The following ATP2B2 variants were observed in gnomAD, a reference collection of about 807,000 sequenced individuals.
ATP2B2 encodes ATPase plasma membrane Ca2+ transporting 2.
Under a neutral mutation model 120.0 loss-of-function variants are expected in ATP2B2, and 15 were observed. That is an observed-to-expected ratio of 0.12 (90% CI 0.08 to 0.19). The LOEUF (loss-of-function observed/expected upper bound fraction) is 0.19. ATP2B2 is among the 10% of genes least tolerant of loss of function. The pLI is 1.00. For missense variants in ATP2B2, 1,045 were observed against 1,719.8 expected (o/e 0.61, Z 6.94); for synonymous variants, 694 against 700.3 (o/e 0.99, Z 0.14).
At chr3:10,548,042 G>T (rs929307340) in intron 2 of ATP2B2, among the ~76,000 whole-genome samples, 3 of 152,094 alleles carry the variant, frequency 2.0e-5, no homozygotes, top group African/African-American at 7.2e-5. Context: ...AACATTGGAG[G>T]GCTGGTCAAG....
intron 5 of ATP2B2, among the ~76,000 whole-genome samples, chr3:10,389,818 A>G (rs751451379): frequency 5.3e-5 from 8 of 152,172 alleles, no homozygotes; most frequent in Non-Finnish European, 8.8e-5. Flanking sequence ...AGCCCCCTGA[A>G]GCCATGGCCT....
intron 2 of ATP2B2, among the ~76,000 whole-genome samples, chr3:10,611,846 A>G (rs1280184452): frequency 1.1e-4 from 16 of 152,190 alleles, no homozygotes; most frequent in Non-Finnish European, 1.5e-5. Context: ...TGGAGACACC[A>G]CCAGTGTCAT....
At chr3:10,563,458 C>A (rs905960048) in intron 2 of ATP2B2, among the ~76,000 whole-genome samples, 3 of 152,250 alleles carry the variant, frequency 2.0e-5, no homozygotes, top group African/African-American at 4.8e-5. Context: ...TGTGGCTTTC[C>A]CCCTTCCACT....
intron 2 of ATP2B2, among the ~76,000 whole-genome samples, chr3:10,575,688 C>T (rs2068228263): frequency 6.6e-6 from 1 of 152,134 alleles, no homozygotes; most frequent in Non-Finnish European, 1.5e-5. Flanking sequence ...TGCATAAAAA[C>T]ACCAATACCT....
chr3:10,359,784 C>G (rs2060843664), intron 13 of ATP2B2, 98 bp downstream of exon 13: 1 of 1,560,146 alleles, frequency 6.4e-7, no homozygotes, highest in Admixed American at 1.7e-5. Flanking sequence ...GGCTGCTGAG[C>G]CTGGCCTGGA....
At position 10,707,351 on chromosome 3, in the gene ATP2B2, A is replaced by G. The variant is rs147897273; in HGVS notation, c.-460+564T>C. On this transcript the variant is annotated intron_variant, in intron 1 of 21. Transcript: ENST00000646379. Reference sequence around the variant, plus strand: ...GCTGGAGATGCGGAGAGCACTTGGCAGAGATGCTCTCCTAGCTCTCCTGGC... The same window carrying G: ...GCTGGAGATGCGGAGAGCACTTGGCGGAGATGCTCTCCTAGCTCTCCTGGC... Among the ~76,000 whole-genome samples, 181 of 152,322 alleles carry G rather than the reference A, an allele frequency of 1.2e-3. 2 individuals carry two copies. The highest frequency in any genetic ancestry group is 4.0e-3 in the African/African-American group (166 of 41,592).
In ATP2B2 at chr3:10,449,526, G is replaced by A. The variant is rs773766088; in HGVS notation, c.18C>T (p.Asn6=). The A allele has an allele frequency of 6.2e-7, 1 of 1,614,264 alleles. No individual in the cohort carries two copies. The highest frequency in any genetic ancestry group is 2.2e-5 in the East Asian group (1 of 44,880). MGDMT[N]SDFYSKNQRN... ...TTTGGTTTTTGGAGTAAAAGTCGCT[G>A]TTGGTCATGTCACCCATGTTTGCTG... The change falls in exon 2 of 23, where the codon AAC becomes AAT. Residue 6 remains asparagine (N), a synonymous_variant. Coordinates refer to ENST00000360273, the MANE Select transcript of ATP2B2 (RefSeq NM_001001331.4).
Position 10,371,837 on chromosome 3 carries a change from A to G in ATP2B2, c.1631T>C (p.Ile544Thr), listed in dbSNP as rs756122323. Residue 544 changes from isoleucine to threonine, a missense_variant, in exon 12 of 23, where the codon ATC (isoleucine) becomes ACC (threonine). By Grantham distance (89) the Ile-to-Thr change is moderately conservative. Transcript: ENST00000360273. ...TMELLINAIA[I>T]NSAYTTKILP... ...AATCTTGGTGGTGTAGGCGCTGTTG[A>G]TGGCGATGGCATTGATCAGCAGCTC... is the stretch of plus-strand genomic sequence containing the variant. 42 of 1,614,004 alleles carry G rather than the reference A, an allele frequency of 2.6e-5. No homozygotes were observed. The highest frequency in any genetic ancestry group is 3.6e-5 in the Non-Finnish European group (42 of 1,180,026).
intron 1 of ATP2B2, among the ~76,000 whole-genome samples, chr3:10,656,680 G>C (rs1259409900): frequency 1.3e-5 from 2 of 152,246 alleles, no homozygotes; most frequent in African/African-American, 4.8e-5. Flanking sequence ...TTCTAGTGGA[G>C]AGATGCAAAA....
intron 1 of ATP2B2, among the ~76,000 whole-genome samples, chr3:10,504,976 G>T (rs2066558406): frequency 6.6e-6 from 1 of 152,140 alleles, no homozygotes; most frequent in African/African-American, 2.4e-5. Context: ...CTTCACAGGG[G>T]CCTCCTCCTG....
intron 2 of ATP2B2, among the ~76,000 whole-genome samples, chr3:10,585,829 G>T (rs74656656): frequency 0.058 from 8,795 of 152,092 alleles, 440 homozygotes; most frequent in East Asian, 0.22. Flanking sequence ...CACACTGTTT[G>T]GTAGTGCCCT....
At chr3:10,410,936 C>T in intron 2 of ATP2B2, 121 bp from the exon 3 acceptor site, 1 of 1,190,628 alleles carries the variant, frequency 8.4e-7, no homozygotes, top group Non-Finnish European at 1.2e-6. Context: ...GGCCCAGGAG[C>T]CCAACATCTC....
chr3:10,649,588 C>T (rs1162351781), intron 1 of ATP2B2, among the ~76,000 whole-genome samples: 1 of 152,114 alleles, frequency 6.6e-6, no homozygotes, highest in Admixed American at 6.5e-5. Context: ...GACCTCAGCT[C>T]AGGAAGGGAG....
At chr3:10,537,275 A>G (rs2067339575) in intron 2 of ATP2B2, among the ~76,000 whole-genome samples, 1 of 152,124 alleles carries the variant, frequency 6.6e-6, no homozygotes. Context: ...TGAGATTTTG[A>G]TAGAAATTGC....
At chr3:10,504,791 C>T (rs2066548989) in intron 1 of ATP2B2, among the ~76,000 whole-genome samples, 1 of 152,126 alleles carries the variant, frequency 6.6e-6, no homozygotes, top group South Asian at 2.1e-4. Context: ...GGCTTCTGGG[C>T]AGAGGGTGCC....
rs1021805220 is a variant in ATP2B2 at position 10,486,742 on chromosome 3, T to C, written c.-320+18723A>G. Among the ~76,000 whole-genome samples, 3 of 152,156 alleles carry C rather than the reference T, an allele frequency of 2.0e-5. No individual in the cohort carries two copies. In the East Asian group the frequency reaches 5.8e-4, roughly 29 times the overall value. ...ATGATGATGGTGATGATGATGATGATAGAGTCTCACTCTGTCGCCCAGGCT... is the reference window on the plus strand; with the variant it reads ...ATGATGATGGTGATGATGATGATGACAGAGTCTCACTCTGTCGCCCAGGCT... On this transcript the variant is annotated intron_variant, in intron 1 of 22. Coordinates refer to ENST00000360273, the MANE Select transcript of ATP2B2 (RefSeq NM_001001331.4).
intron 1 of ATP2B2, among the ~76,000 whole-genome samples, chr3:10,679,046 G>A (rs1312870690): frequency 2.6e-5 from 4 of 152,104 alleles, no homozygotes; most frequent in African/African-American, 9.7e-5. Context: ...TCTCCTGCTG[G>A]CCTTAGAGAG....
intron 9 of ATP2B2, 142 bp downstream of exon 9, chr3:10,379,098 GCTA>G (rs2125538111): frequency 1.0e-6 from 1 of 994,264 alleles, no homozygotes; most frequent in Admixed American, 2.0e-5. Context: ...GCAAATCACA[GCTA>G]CACCCCCAAG....
At chr3:10,383,774 G>A (rs2061596179) in intron 8 of ATP2B2, among the ~76,000 whole-genome samples, 2 of 152,202 alleles carry the variant, frequency 1.3e-5, no homozygotes, top group Admixed American at 1.3e-4. Flanking sequence ...ACAGTAGGTG[G>A]TCAAGAAATG....
Sources: gnomAD v4.1 joint callset for allele counts (sites outside exome capture counted in the v4.1 genomes callset) on GRCh38, gnomAD v4.1.1 for gene constraint, MANE v1.5 for transcripts, NCBI Gene and HGNC (gene_info 2026-07-23, HGNC 2026-07-21) for gene names.